ZNF608: variants seen among roughly 807,000 people sequenced by gnomAD.
The protein encoded by ZNF608 is zinc finger protein 608.
ZNF608 carries 12 observed loss-of-function variants against 109.0 expected under a neutral mutation model. That is an observed-to-expected ratio of 0.11 (90% confidence interval 0.07 to 0.18). The LOEUF (loss-of-function observed/expected upper bound fraction) is 0.18, where lower values mean the gene tolerates loss of function less well. Among genes scored for constraint, ZNF608 ranks in the 10% least tolerant of loss-of-function variants. The pLI is 1.00. For synonymous variants in ZNF608, 732 were observed against 717.4 expected (o/e 1.02, Z -0.33); for missense variants, 1,707 against 1,879.3 (o/e 0.91, Z 1.70).
At position 124,744,894 on chromosome 5, in the gene ZNF608, A is replaced by G. The variant is rs1325119078; in HGVS notation, c.96T>C (p.Asn32=). The G allele has an allele frequency of 6.8e-6, 11 of 1,614,140 alleles. No homozygotes were observed. Among genetic ancestry groups the G allele is most frequent in the Non-Finnish European group, 9.3e-6 (11 of 1,180,026 alleles). The change falls in exon 2 of 10, where the codon AAT becomes AAC. Residue 32 remains asparagine, a synonymous_variant. Transcript: ENST00000513986. The surrounding 1 kb of genome is among the most constrained non-coding windows in gnomAD (Gnocchi z 4.5). ...AATCAGCGTCCAAATCAATTATTAA[A>G]TTTCCAACCCCGATTTCCCAATCAT... The part of the protein sequence containing the change: ...SGDDWEIGVG[N]LIIDLDADLE...
In ZNF608 at chr5:124,647,590, C is replaced by T; in HGVS notation, c.2794G>A (p.Ala932Thr). 1.9e-6 allele frequency: 3 copies of T among 1,614,240 alleles called. No individual in the cohort carries two copies. The highest frequency in any genetic ancestry group is 2.5e-6 in the Non-Finnish European group (3 of 1,180,044). The part of the protein sequence containing the change: ...LTQNGAESSA[A>T]KTSSPAYSDI... Reference sequence around the variant, plus strand: ...GAATAGGCCGGGCTGCTTGTCTTTGCAGCTGAACTCTCTGCCCCATTCTGG... The same window carrying T: ...GAATAGGCCGGGCTGCTTGTCTTTGTAGCTGAACTCTCTGCCCCATTCTGG... The change falls in exon 5 of 10, where the codon GCA (alanine) becomes ACA (threonine). Residue 932 changes from alanine (A) to threonine (T), a missense_variant. Ala to Thr is a moderately conservative substitution (Grantham distance 58). Around this residue, in one of 7 missense-constraint regions of ZNF608, gnomAD observed 1,073 missense variants for 1,133.5 expected, o/e 0.95. Transcript: ENST00000513986.
chr5:124,713,532 C>G (rs1753581356), intron 2 of ZNF608, among the ~76,000 whole-genome samples: 1 of 152,198 alleles, frequency 6.6e-6, no homozygotes, highest in African/African-American at 2.4e-5. Flanking sequence ...ATCTGTATTA[C>G]CAAAAATTGT....
chr5:124,740,621 G>A (rs566401978), intron 2 of ZNF608, among the ~76,000 whole-genome samples: 45 of 151,436 alleles, frequency 3.0e-4, no homozygotes, highest in Non-Finnish European at 5.6e-4. Flanking sequence ...AGTATAAAAA[G>A]GACTCTACAA....
chr5:124,704,568 C>T (rs576659181), intron 2 of ZNF608, among the ~76,000 whole-genome samples: 1 of 152,208 alleles, frequency 6.6e-6, no homozygotes, highest in Admixed American at 6.5e-5. Context: ...AGGTATGTTA[C>T]TTTTTAAAAC....
chr5:124,729,773 T>C (rs2149890602), intron 2 of ZNF608, among the ~76,000 whole-genome samples: 1 of 152,350 alleles, frequency 6.6e-6, no homozygotes, highest in African/African-American at 2.4e-5. Context: ...CTTTGAAATC[T>C]TTCCAGTTTT....
At chr5:124,721,972 A>AAAAAAAAAAAAAAAAG (rs1753937575) in intron 2 of ZNF608, among the ~76,000 whole-genome samples, 1 of 144,116 alleles carries the variant, frequency 6.9e-6, no homozygotes, top group East Asian at 2.0e-4. Flanking sequence ...AAAAAAAAAA[A>AAAAAAAAAAAAAAAAG]GAACTCAAAG....
upstream of ZNF608, chr5:124,748,471 A>G: frequency 5.5e-6 from 5 of 916,268 alleles, no homozygotes; most frequent in Non-Finnish European, 6.5e-6. Flanking sequence ...AAACTCGCAC[A>G]TTCCCCTGCA....
intron 2 of ZNF608, among the ~76,000 whole-genome samples, chr5:124,706,909 G>C (rs538078868): frequency 6.6e-6 from 1 of 152,286 alleles, no homozygotes; most frequent in Admixed American, 6.5e-5. Context: ...GAGCCTAAGA[G>C]CATGGGAGGG....
At chr5:124,658,816 A>C (rs9327337) in intron 3 of ZNF608, among the ~76,000 whole-genome samples, 56,685 of 152,036 alleles carry the variant, frequency 0.37, 10,818 homozygotes, top group East Asian at 0.48. Flanking sequence ...TTGTTAGGAC[A>C]CATTTTTCTT....
chr5:124,702,782 G>A lies in ZNF608; in HGVS notation c.907-1513C>T, dbSNP rs574766927. Reference sequence around the variant, plus strand: ...TGCCATAAAACTTCTTTTGCTCCACGCTTTTTATTGTTCTGCATTCTTGAT... The same window carrying A: ...TGCCATAAAACTTCTTTTGCTCCACACTTTTTATTGTTCTGCATTCTTGAT... On this transcript the variant is annotated intron_variant, in intron 2 of 9. Transcript: ENST00000513986. Among the ~76,000 whole-genome samples, 39 of 152,164 alleles carry A rather than the reference G, an allele frequency of 2.6e-4. 1 individual carries two copies. Among genetic ancestry groups the A allele is most frequent in the Admixed American group, 6.5e-4 (10 of 15,282 alleles).
chr5:124,701,102 T>A lies in ZNF608; in HGVS notation c.1074A>T (p.Gly358=), dbSNP rs1374366616. ...RSVGVNTCEV[G]VVTEPECLGP... is the part of the protein sequence containing the mutation. The stretch of plus-strand genomic sequence containing the variant: ...CAAGACACTCTGGCTCTGTCACTAC[T>A]CCAACTTCACATGTATTGACACCCA... Residue 358 remains glycine, a synonymous_variant, in exon 3 of 10, where the codon GGA becomes GGT. Transcript: ENST00000513986. The A allele has an allele frequency of 1.9e-6, 3 of 1,613,974 alleles. No individual in the cohort carries two copies. The highest frequency in any genetic ancestry group is 1.3e-5 in the African/African-American group (1 of 74,904).
intron 2 of ZNF608, among the ~76,000 whole-genome samples, chr5:124,709,439 T>C (rs1461816738): frequency 6.6e-6 from 1 of 152,216 alleles, no homozygotes; most frequent in Admixed American, 6.5e-5. Flanking sequence ...ATTAAACTAC[T>C]CTACTCAATG....
At chr5:124,674,104 A>G (rs537664196) in intron 3 of ZNF608, among the ~76,000 whole-genome samples, 47 of 152,298 alleles carry the variant, frequency 3.1e-4, no homozygotes, top group Non-Finnish European at 6.3e-4. Context: ...ATCATCGTGG[A>G]GCTTGGCATT....
intron 2 of ZNF608, chr5:124,734,689 A>C (rs1028656710): frequency 1.3e-5 from 2 of 152,242 alleles, no homozygotes; most frequent in African/African-American, 2.4e-5. Flanking sequence ...ATTTGTGCCA[A>C]GCCAATTAAT....
chr5:124,729,526 A>G (rs1347717742), intron 2 of ZNF608, among the ~76,000 whole-genome samples: 1 of 152,252 alleles, frequency 6.6e-6, no homozygotes, highest in Non-Finnish European at 1.5e-5. Context: ...GTAAATCCTT[A>G]AACATTAAAA....
intron 3 of ZNF608, among the ~76,000 whole-genome samples, chr5:124,697,185 G>A (rs1218040983): frequency 1.4e-5 from 2 of 143,928 alleles, no homozygotes; most frequent in African/African-American, 5.2e-5. Flanking sequence ...GAATAACGGC[G>A]ACAGATGCAG....
At position 124,647,735 on chromosome 5, in the gene ZNF608, G is replaced by T. The variant is rs377169341; in HGVS notation, c.2649C>A (p.Ala883=). The T allele has an allele frequency of 9.9e-6, 16 of 1,614,022 alleles. No individual in the cohort carries two copies. Among genetic ancestry groups the T allele is most frequent in the Non-Finnish European group, 1.4e-5 (16 of 1,180,036 alleles). The change falls in exon 5 of 10, where the codon GCC becomes GCA. Residue 883 remains alanine (A), a synonymous_variant. Coordinates refer to ENST00000513986, the MANE Select transcript of ZNF608 (RefSeq NM_020747.3). ...ESRMASIKAE[A]DKVYTFTDNA... is the part of the protein sequence containing the mutation. ...TGTCTGTGAAAGTGTAAACCTTATC[G>T]GCCTCAGCTTTGATACTGGCCATGC...
intron 2 of ZNF608, among the ~76,000 whole-genome samples, chr5:124,707,640 TAGAA>T (rs1233054788): frequency 1.3e-5 from 2 of 152,160 alleles, no homozygotes; most frequent in African/African-American, 4.8e-5. Flanking sequence ...TAAAAAGCAT[TAGAA>T]AGAGACTCCA....
At chr5:124,660,193 T>TGTGTGTGA (rs1554084199) in intron 3 of ZNF608, among the ~76,000 whole-genome samples, 2 of 128,798 alleles carry the variant, frequency 1.6e-5, no homozygotes, top group African/African-American at 6.4e-5. Context: ...TGTGTGTGTG[T>TGTGTGTGA]GAGAGAGAGA....
Sources: gnomAD v4.1 joint callset for allele counts (sites outside exome capture counted in the v4.1 genomes callset) on GRCh38, gnomAD v4.1.1 for gene constraint, gnomAD v4.1.1 regional missense constraint, Gnocchi (gnomAD v3.1) non-coding constraint, MANE v1.5 for transcripts, NCBI Gene and HGNC (gene_info 2026-07-23, HGNC 2026-07-21) for gene names.